Variants in VPS53 observed in about 807,000 individuals in gnomAD.
The protein encoded by VPS53 is vacuolar protein sorting-associated protein 53 homolog.
In VPS53, 70 loss-of-function variants were observed where a neutral mutation model predicts 107.0. The observed-to-expected ratio is 0.65, with a 90% CI of 0.54 to 0.80. The LOEUF is 0.80. VPS53 is among the 30% of genes least tolerant of loss of function. The probability of loss-of-function intolerance (pLI) is 0.00; values close to 1 mark genes in which losing one functional copy is unlikely to be tolerated. For synonymous variants in VPS53, 409 were observed against 393.3 expected, an observed-to-expected ratio of 1.04 and a Z score of -0.47; for missense variants, 917 against 1,049.4, an observed-to-expected ratio of 0.87 and a Z score of 1.74.
intron 19 of VPS53, among the ~76,000 whole-genome samples, chr17:522,546 C>A (rs1055463581): frequency 6.6e-6 from 1 of 152,226 alleles, no homozygotes; most frequent in South Asian, 2.1e-4. Context: ...CCCATTTACA[C>A]CTCTGCCAGC....
chr17:589,522 G>C (rs900836179), intron 12 of VPS53, among the ~76,000 whole-genome samples: 1 of 152,074 alleles, frequency 6.6e-6, no homozygotes, highest in African/African-American at 2.4e-5. Flanking sequence ...AAATAATAAA[G>C]TTATATAGCA....
rs117710537 is a variant in VPS53, at chr17:531,687, G to A, written c.2085+1155C>T. On this transcript the variant is annotated intron_variant, in intron 19 of 21. Coordinates refer to ENST00000437048, the MANE Select transcript of VPS53 (RefSeq NM_001128159.3). ...AATGTTTTATTTTTTTTGAGAGATA[G>A]GGTTGCACTATGTTGCCCAGGCTGG... 7.1e-3 allele frequency among the ~76,000 whole-genome samples: 1,077 copies of A among 151,586 alleles called. 8 individuals are homozygous for A. Among genetic ancestry groups the A allele is most frequent in the Non-Finnish European group, 0.012 (781 of 67,912 alleles).
In VPS53 at chr17:520,339, T is replaced by C. The variant is rs1485979462; in HGVS notation, c.2224-409A>G. 6.6e-6 allele frequency among the ~76,000 whole-genome samples: 1 copy of C among 152,216 alleles called. No homozygotes were observed. The highest frequency in any genetic ancestry group is 6.5e-5 in the Admixed American group (1 of 15,290). On this transcript the variant is annotated intron_variant, in intron 20 of 21. Coordinates refer to ENST00000437048, the MANE Select transcript of VPS53 (RefSeq NM_001128159.3). The surrounding 1 kb of genome is among the most constrained non-coding windows in gnomAD (Gnocchi z 4.4). ...GGAAACCCTGCGTGAGAGGGTCTCC[T>C]GTTCCAGGCATTTCACCAGTACACG...
intron 4 of VPS53, among the ~76,000 whole-genome samples, chr17:667,201 C>A (rs1051970530): frequency 6.6e-6 from 1 of 152,026 alleles, no homozygotes; most frequent in African/African-American, 2.4e-5. Flanking sequence ...TTTTGCCACA[C>A]AATGGCAGAG....
At chr17:574,651 G>T (rs1914450270) in intron 13 of VPS53, among the ~76,000 whole-genome samples, 1 of 152,094 alleles carries the variant, frequency 6.6e-6, no homozygotes, top group South Asian at 2.1e-4. Flanking sequence ...TGTAGTCTCA[G>T]CTACTTGAGA....
intron 17 of VPS53, among the ~76,000 whole-genome samples, chr17:544,366 C>T (rs955327098): frequency 1.3e-5 from 2 of 152,190 alleles, no homozygotes; most frequent in Admixed American, 6.5e-5. Flanking sequence ...TGGTCGGGCA[C>T]GATGGCAACA....
rs558706308 is a variant in VPS53 at position 613,015 on chromosome 17, C to A, written c.1116+10518G>T. 1.9e-3 allele frequency among the ~76,000 whole-genome samples: 288 copies of A among 149,264 alleles called. 1 individual carries two copies. The highest frequency in any genetic ancestry group is 6.8e-3 in the African/African-American group (273 of 40,330). On this transcript the variant is annotated intron_variant, in intron 11 of 21. Transcript: ENST00000437048. ...TGAGTTCACACAGTGAAAACCTGTA[C>A]AGATATTCACAGCAGTATTCAAATA...
intron 17 of VPS53, among the ~76,000 whole-genome samples, chr17:541,665 C>T (rs1344329089): frequency 7.1e-6 from 1 of 140,080 alleles, no homozygotes; most frequent in Non-Finnish European, 1.6e-5. Flanking sequence ...ACGCACCGGG[C>T]GCTGAAGGAA....
At chr17:678,009 T>TA (rs1229716210) in intron 4 of VPS53, among the ~76,000 whole-genome samples, 1 of 152,006 alleles carries the variant, frequency 6.6e-6, no homozygotes, top group African/African-American at 2.4e-5. Flanking sequence ...TAGTCCCAGC[T>TA]ACTCAGGAGG....
At chr17:663,474 G>A (rs1005705037) in intron 4 of VPS53, among the ~76,000 whole-genome samples, 3 of 151,828 alleles carry the variant, frequency 2.0e-5, no homozygotes, top group African/African-American at 2.4e-5. Context: ...GCCCACAGAC[G>A]TGTATCGACC....
At chr17:702,084 G>A (rs940858157) in intron 2 of VPS53, among the ~76,000 whole-genome samples, 19 of 152,236 alleles carry the variant, frequency 1.2e-4, no homozygotes, top group African/African-American at 2.6e-4. Context: ...AACAGAGGCC[G>A]GGTGTGGAGG....
intron 13 of VPS53, among the ~76,000 whole-genome samples, chr17:564,736 C>A (rs1913333773): frequency 6.6e-6 from 1 of 151,892 alleles, no homozygotes; most frequent in East Asian, 1.9e-4. Context: ...AAAACAAAAA[C>A]CAAAACAGGG....
intron 4 of VPS53, among the ~76,000 whole-genome samples, chr17:692,910 C>A (rs1437990270): frequency 6.6e-6 from 1 of 152,098 alleles, no homozygotes; most frequent in Non-Finnish European, 1.5e-5. Context: ...CCGAGGCGGG[C>A]GGACCATGAA....
intron 10 of VPS53, among the ~76,000 whole-genome samples, chr17:626,811 G>A (rs1263831554): frequency 6.6e-6 from 1 of 152,190 alleles, no homozygotes; most frequent in Non-Finnish European, 1.5e-5. Context: ...TATCTATCTA[G>A]CAAGTCAGAA....
intron 15 of VPS53, among the ~76,000 whole-genome samples, chr17:553,673 C>G (rs1483896838): frequency 6.7e-6 from 1 of 150,164 alleles, no homozygotes; most frequent in Non-Finnish European, 1.5e-5. Context: ...TGGGTTCAAG[C>G]AATTCTCCTG....
Position 636,780 on chromosome 17 carries a change from G to T in VPS53, c.609-5152C>A, listed in dbSNP as rs1467589170. ...CAGGGATGAAGCCCACTTGATCATG[G>T]TGGATAAGCTTTTTGATGTGCTGCT... On this transcript the variant is annotated intron_variant, in intron 7 of 21. Coordinates refer to ENST00000437048, the MANE Select transcript of VPS53 (RefSeq NM_001128159.3). Among the ~76,000 whole-genome samples, 4 of 152,188 alleles carry T rather than the reference G, an allele frequency of 2.6e-5. No individual in the cohort carries two copies. In the South Asian group the frequency reaches 8.3e-4, roughly 32 times the overall value.
chr17:543,306 T>C (rs1399262379), intron 17 of VPS53, among the ~76,000 whole-genome samples: 2 of 152,236 alleles, frequency 1.3e-5, no homozygotes, highest in African/African-American at 2.4e-5. Context: ...CTTCTACCTG[T>C]TTCAAAGTGT....
At chr17:608,157 G>A (rs1007108734) in intron 11 of VPS53, among the ~76,000 whole-genome samples, 3 of 152,182 alleles carry the variant, frequency 2.0e-5, no homozygotes, top group Non-Finnish European at 2.9e-5. Context: ...AAGCCCAGGG[G>A]TTCACACACT....
At chr17:693,463 T>C (rs770929938) in intron 4 of VPS53, among the ~76,000 whole-genome samples, 1 of 152,192 alleles carries the variant, frequency 6.6e-6, no homozygotes, top group African/African-American at 2.4e-5. Flanking sequence ...GTCTCATGCC[T>C]ATAATCTCAG....
Sources: allele counts gnomAD v4.1 joint callset (sites outside exome capture counted in the v4.1 genomes callset), GRCh38; gene constraint gnomAD v4.1.1; non-coding constraint Gnocchi (gnomAD v3.1); transcripts MANE v1.5; gene names NCBI Gene and HGNC (gene_info 2026-07-23, HGNC 2026-07-21).